Variants in KIF13B observed in about 807,000 individuals in gnomAD.
KIF13B encodes kinesin family member 13B.
Under a neutral mutation model 222.0 loss-of-function variants are expected in KIF13B, and 127 were observed. That is an observed-to-expected ratio of 0.57 (90% CI 0.50 to 0.66). KIF13B has a LOEUF of 0.66. KIF13B is among the 30% of genes least tolerant of loss of function. The probability of loss-of-function intolerance (pLI) is 0.00; values close to 1 mark genes in which losing one functional copy is unlikely to be tolerated. For synonymous variants in KIF13B, 976 were observed against 919.0 expected (o/e 1.06, Z -1.12); for missense variants, 2,173 against 2,379.0 (o/e 0.91, Z 1.80).
intron 2 of KIF13B, among the ~76,000 whole-genome samples, chr8:29,243,484 CTG>C (rs1275901155): frequency 6.6e-6 from 1 of 151,978 alleles, no homozygotes; most frequent in African/African-American, 2.4e-5. Context: ...TGGCAAAACT[CTG>C]TCTCTACTAA....
intron 2 of KIF13B, among the ~76,000 whole-genome samples, chr8:29,213,961 TAAATA>T (rs904972130): frequency 2.6e-5 from 4 of 151,638 alleles, no homozygotes; most frequent in Non-Finnish European, 4.4e-5. Context: ...CTCAAAAAAA[TAAATA>T]AAATAAAATA....
chr8:29,167,724 T>G, intron 10 of KIF13B, 139 bp from the exon 11 acceptor site: 1 of 672,990 alleles, frequency 1.5e-6, no homozygotes, highest in Admixed American at 2.5e-5. Context: ...AAAATGCAGG[T>G]GTATGGACTC....
At chr8:29,196,015 C>T (rs777387708) in intron 3 of KIF13B, among the ~76,000 whole-genome samples, 172 bp downstream of exon 3, 23 of 152,212 alleles carry the variant, frequency 1.5e-4, no homozygotes, top group African/African-American at 4.1e-4. Flanking sequence ...CATAAACCTC[C>T]GGCCCTTCCC....
At chr8:29,252,284 C>T (rs975450384) in intron 1 of KIF13B, among the ~76,000 whole-genome samples, 1 of 152,220 alleles carries the variant, frequency 6.6e-6, no homozygotes, top group Non-Finnish European at 1.5e-5. Flanking sequence ...CTGTACACAT[C>T]AGCTATGGCT....
At chr8:29,105,580 T>C (rs1216985113) in intron 35 of KIF13B, among the ~76,000 whole-genome samples, 3 of 151,972 alleles carry the variant, frequency 2.0e-5, no homozygotes, top group East Asian at 3.9e-4. Context: ...GTACTTTTCT[T>C]TGAAGTAGAT....
At position 29,095,376 on chromosome 8, in the gene KIF13B, C is replaced by G. The variant is rs115184979; in HGVS notation, c.4325-2498G>C. On this transcript the variant is annotated intron_variant, in intron 36 of 39. Transcript: ENST00000524189. ...AAACCTCCAACTCAGAGTTCTCTATCCAGTGAAAATATTCTTAAAACAACA... is the reference window on the plus strand; with the variant it reads ...AAACCTCCAACTCAGAGTTCTCTATGCAGTGAAAATATTCTTAAAACAACA... Among the ~76,000 whole-genome samples the G allele has an allele frequency of 5.0e-3, 763 of 152,290 alleles. 7 individuals are homozygous for G. Among genetic ancestry groups the G allele is most frequent in the African/African-American group, 0.017 (693 of 41,556 alleles).
At chr8:29,133,596 AAAAC>A (rs1406550316) in intron 22 of KIF13B, among the ~76,000 whole-genome samples, 12 of 152,318 alleles carry the variant, frequency 7.9e-5, no homozygotes, top group African/African-American at 2.6e-4. Flanking sequence ...GTCTCAAAAC[AAAAC>A]AAACAAACAC....
intron 26 of KIF13B, among the ~76,000 whole-genome samples, chr8:29,124,337 C>A (rs1810011604): frequency 6.6e-6 from 1 of 152,190 alleles, no homozygotes; most frequent in African/African-American, 2.4e-5. Context: ...AGGGCATTCT[C>A]AGGTATCCAG....
chr8:29,256,671 A>G (rs1563832229), intron 1 of KIF13B, among the ~76,000 whole-genome samples: 1 of 152,234 alleles, frequency 6.6e-6, no homozygotes, highest in Non-Finnish European at 1.5e-5. Flanking sequence ...GTAAAAGCAC[A>G]GGTGGGTTTT....
chr8:29,133,007 A>G (rs1810411104), intron 22 of KIF13B, among the ~76,000 whole-genome samples: 1 of 152,366 alleles, frequency 6.6e-6, no homozygotes, highest in Admixed American at 6.5e-5. Flanking sequence ...AAAACAGTTT[A>G]TTAAAGAAAT....
Position 29,261,099 on chromosome 8 carries a change from C to T in KIF13B, c.55+1881G>A, listed in dbSNP as rs532862809. ...TGAAAAAAGAAGTCCACATGCACGT[C>T]AGGAAATATAAGGCTAAGAATGGGC... is the stretch of plus-strand genomic sequence containing the variant. On this transcript the variant is annotated intron_variant, in intron 1 of 39. Coordinates refer to ENST00000524189, the MANE Select transcript of KIF13B (RefSeq NM_015254.4). Among the ~76,000 whole-genome samples the T allele has an allele frequency of 4.6e-5, 7 of 152,258 alleles. No individual in the cohort carries two copies. The South Asian group carries it at 1.5e-3, about 32-fold the overall frequency.
intron 14 of KIF13B, among the ~76,000 whole-genome samples, chr8:29,155,407 G>A (rs1811476287): frequency 6.6e-6 from 1 of 152,184 alleles, no homozygotes; most frequent in Non-Finnish European, 1.5e-5. Context: ...GATAAACTGG[G>A]GGGTTATAAG....
chr8:29,122,216 T>C (rs1289935363), intron 29 of KIF13B, among the ~76,000 whole-genome samples: 1 of 152,118 alleles, frequency 6.6e-6, no homozygotes, highest in African/African-American at 2.4e-5. Flanking sequence ...ATCACACCAC[T>C]GCACTCCAGC....
intron 31 of KIF13B, 61 bp downstream of exon 31, chr8:29,116,770 G>T: frequency 6.7e-7 from 1 of 1,491,348 alleles, no homozygotes; most frequent in Non-Finnish European, 9.1e-7. Flanking sequence ...AGCAAGCACT[G>T]CACGGCCCTA....
chr8:29,253,843 A>C lies in KIF13B; in HGVS notation c.56-8404T>G, dbSNP rs1423853611. On this transcript the variant is annotated intron_variant, in intron 1 of 39. Transcript: ENST00000524189. ...GAGACTGTCTCAAAAAAAAAAAAAA[A>C]AAAAAAAAAAAACCCGCTTAAGGCA... is the stretch of plus-strand genomic sequence containing the variant. Among the ~76,000 whole-genome samples the C allele has an allele frequency of 2.7e-5, 4 of 150,604 alleles. No individual in the cohort carries two copies. The East Asian group carries it at 7.7e-4, about 29-fold the overall frequency.
At chr8:29,182,928 T>A (rs147967973) in intron 6 of KIF13B, among the ~76,000 whole-genome samples, 1 of 152,154 alleles carries the variant, frequency 6.6e-6, no homozygotes, top group Non-Finnish European at 1.5e-5. Flanking sequence ...ATATGTTAAT[T>A]AGCTTGATAT....
At chr8:29,170,658 C>T (rs1812196880) in intron 10 of KIF13B, among the ~76,000 whole-genome samples, 1 of 152,070 alleles carries the variant, frequency 6.6e-6, no homozygotes. Flanking sequence ...GAGTAAAGTC[C>T]TAGAGGCAAG....
At chr8:29,227,873 C>T (rs112958505) in intron 2 of KIF13B, among the ~76,000 whole-genome samples, 45 of 152,082 alleles carry the variant, frequency 3.0e-4, no homozygotes, top group African/African-American at 1.0e-3. Context: ...ATCACTTGAA[C>T]CCAGGAGTTC....
Position 29,094,688 on chromosome 8 carries a change from A to T in KIF13B, c.4325-1810T>A, listed in dbSNP as rs1808441998. Reference sequence around the variant, plus strand: ...ATGACCCACGGTCAACAAAGGAATCAATAAAAATAGACCATGAGATGTCTA... The same window carrying T: ...ATGACCCACGGTCAACAAAGGAATCTATAAAAATAGACCATGAGATGTCTA... On this transcript the variant is annotated intron_variant, in intron 36 of 39. Transcript: ENST00000524189. Among the ~76,000 whole-genome samples the T allele has an allele frequency of 2.0e-5, 3 of 152,256 alleles. No individual in the cohort carries two copies. In the South Asian group the frequency reaches 6.2e-4, roughly 31 times the overall value.
Sources: allele counts gnomAD v4.1 joint callset (sites outside exome capture counted in the v4.1 genomes callset), GRCh38; gene constraint gnomAD v4.1.1; transcripts MANE v1.5; gene names NCBI Gene and HGNC (gene_info 2026-07-23, HGNC 2026-07-21).